The following PCDHA13 variants were observed in gnomAD, a reference collection of about 807,000 sequenced individuals.
PCDHA13 encodes protocadherin alpha-13.
In PCDHA13, 54 loss-of-function variants were observed where a neutral mutation model predicts 64.8. The ratio of observed to expected loss-of-function variants is 0.83; its 90% CI spans 0.67 to 1.04. The LOEUF (loss-of-function observed/expected upper bound fraction) is 1.04, where lower values mean the gene tolerates loss of function less well. Among genes scored for constraint, PCDHA13 ranks in the 50% least tolerant of loss-of-function variants. The pLI is 0.00. For missense variants in PCDHA13, 1,248 were observed against 1,254.3 expected (o/e 0.99, Z 0.08); for synonymous variants, 587 against 564.4 (o/e 1.04, Z -0.57).
intron 1 of PCDHA13, among the ~76,000 whole-genome samples, chr5:140,958,853 G>T (rs897789588): frequency 1.3e-5 from 2 of 151,804 alleles, no homozygotes; most frequent in Non-Finnish European, 2.9e-5. Context: ...AGTGTCTTTG[G>T]TTTACTGGGT....
chr5:140,943,302 A>G, intron 1 of PCDHA13, among the ~76,000 whole-genome samples: 1 of 151,674 alleles, frequency 6.6e-6, no homozygotes, highest in Non-Finnish European at 1.5e-5. Context: ...AATTTTGGGA[A>G]GTCATTATTA....
At chr5:140,975,160 T>G (rs2096656216) in intron 1 of PCDHA13, among the ~76,000 whole-genome samples, 1 of 152,194 alleles carries the variant, frequency 6.6e-6, no homozygotes, top group African/African-American at 2.4e-5. Flanking sequence ...CCTAGAGAAC[T>G]GAGGACTCAG....
Position 141,011,514 on chromosome 5 carries a change from GT to G in PCDHA13, c.*1584del, listed in dbSNP as rs35545269. 2 of 153,738 alleles carry G rather than the reference GT, an allele frequency of 1.3e-5. No homozygotes were observed. The highest frequency in any genetic ancestry group is 1.9e-4 in the East Asian group (1 of 5,186). The allele number at this position is 153,738 out of a possible 1,614,324, so 9.5% of individuals were successfully genotyped here. ...TACACCTGTGAAAAAGTGGAGTAGTGTTTTTTTAACCATTGTTAATCAGCTT... is the reference window on the plus strand; with the variant it reads ...TACACCTGTGAAAAAGTGGAGTAGTGTTTTTTAACCATTGTTAATCAGCTT... On this transcript the variant is annotated 3_prime_UTR_variant, in exon 4 of 4. Coordinates refer to ENST00000289272, the MANE Select transcript of PCDHA13 (RefSeq NM_018904.3).
intron 3 of PCDHA13, among the ~76,000 whole-genome samples, chr5:141,003,915 C>T (rs2153979429): frequency 6.6e-6 from 1 of 152,298 alleles, no homozygotes; most frequent in African/African-American, 2.4e-5. Context: ...GTCTTGACTG[C>T]ATCCTCAGTC....
intron 1 of PCDHA13, among the ~76,000 whole-genome samples, chr5:140,949,947 A>G (rs1554219242): frequency 6.6e-6 from 1 of 151,676 alleles, no homozygotes; most frequent in African/African-American, 2.4e-5. Flanking sequence ...TGCATTTTTT[A>G]GTGGTTGCTG....
chr5:140,995,674 A>G (rs1205485736), intron 3 of PCDHA13, among the ~76,000 whole-genome samples: 2 of 151,994 alleles, frequency 1.3e-5, no homozygotes, highest in East Asian at 3.9e-4. Flanking sequence ...TAAATGCAGC[A>G]TTTTTTTTAA....
chr5:140,894,375 T>A (rs1246573357), intron 1 of PCDHA13, among the ~76,000 whole-genome samples: 1 of 152,054 alleles, frequency 6.6e-6, no homozygotes, highest in African/African-American at 2.4e-5. Flanking sequence ...ATGGCTCCAA[T>A]TATATTTGTA....
chr5:140,911,223 G>A (rs1305979222), intron 1 of PCDHA13, among the ~76,000 whole-genome samples: 1 of 152,148 alleles, frequency 6.6e-6, no homozygotes, highest in Non-Finnish European at 1.5e-5. Flanking sequence ...TGAGAAAGCT[G>A]TTTCTTCTGG....
In PCDHA13 at chr5:141,011,549, GA is replaced by G. The variant is rs2098421039; in HGVS notation, c.*1615del. Reference sequence around the variant, plus strand: ...CCATTGTTAATCAGCTTTTGTGTATGAAAGACACAGTAAAATTTCTTTCTTA... The same window carrying G: ...CCATTGTTAATCAGCTTTTGTGTATGAAGACACAGTAAAATTTCTTTCTTA... On this transcript the variant is annotated 3_prime_UTR_variant, in exon 4 of 4. Coordinates refer to ENST00000289272, the MANE Select transcript of PCDHA13 (RefSeq NM_018904.3). 1 of 153,674 alleles carries G rather than the reference GA, an allele frequency of 6.5e-6. No individual in the cohort carries two copies. Among genetic ancestry groups the G allele is most frequent in the Non-Finnish European group, 1.5e-5 (1 of 68,008 alleles). The allele number at this position is 153,674 out of a possible 1,614,324, so 9.5% of individuals were successfully genotyped here. A position where few individuals can be genotyped will look rare whatever the true frequency, so the allele number is the denominator to read the frequency against.
intron 1 of PCDHA13, among the ~76,000 whole-genome samples, chr5:140,959,874 A>G (rs1360001985): frequency 1.3e-5 from 2 of 152,236 alleles, no homozygotes; most frequent in Non-Finnish European, 2.9e-5. Flanking sequence ...AAATCTGTCA[A>G]GGAATACACG....
chr5:140,914,458 A>T (rs1294717004), intron 1 of PCDHA13, among the ~76,000 whole-genome samples: 2 of 152,004 alleles, frequency 1.3e-5, no homozygotes, highest in African/African-American at 4.8e-5. Flanking sequence ...TTTCCAGTCT[A>T]TGTGTATCTT....
At chr5:140,897,759 G>A (rs1238732675) in intron 1 of PCDHA13, among the ~76,000 whole-genome samples, 7 of 152,228 alleles carry the variant, frequency 4.6e-5, no homozygotes, top group South Asian at 2.1e-4. Flanking sequence ...CTGAGGAATC[G>A]CCACACTGAC....
intron 1 of PCDHA13, among the ~76,000 whole-genome samples, chr5:140,892,438 ATT>A (rs2063515415): frequency 6.6e-6 from 1 of 152,198 alleles, no homozygotes; most frequent in African/African-American, 2.4e-5. Context: ...ATTATCTAAA[ATT>A]TACATGTATT....
rs782205253 is a variant in PCDHA13, at chr5:140,927,557, T to C, written c.2394+42895T>C. 12 of 1,614,028 alleles carry C rather than the reference T, an allele frequency of 7.4e-6. No homozygotes were observed. In the East Asian group the frequency reaches 2.7e-4, roughly 36 times the overall value. On this transcript the variant is annotated intron_variant, in intron 1 of 3. Coordinates refer to ENST00000289272, the MANE Select transcript of PCDHA13 (RefSeq NM_018904.3). ...TCAGGAGACGCACAAGTCACCATCATTGTGGTGGACACAAATGACAACGCG... is the reference window on the plus strand; with the variant it reads ...TCAGGAGACGCACAAGTCACCATCACTGTGGTGGACACAAATGACAACGCG...
Position 140,884,547 on chromosome 5 carries a change from C to T in PCDHA13, c.2279C>T (p.Ser760Phe), listed in dbSNP as rs1554181712. 5 of 1,614,214 alleles carry T rather than the reference C, an allele frequency of 3.1e-6. No individual in the cohort carries two copies. Among genetic ancestry groups the T allele is most frequent in the Admixed American group, 1.7e-5 (1 of 60,034 alleles). ...CAGCAGAGGCGGCCGAGGGTGTGCT[C>T]TGGGGAGGGCCCGCATAAGACGGAC... is the stretch of plus-strand genomic sequence containing the variant. ...YSQQRRPRVCSGEGPHKTDLM... is the reference protein window; with the variant it reads ...YSQQRRPRVCFGEGPHKTDLM... The change falls in exon 1 of 4, where the codon TCT becomes TTT. Residue 760 changes from serine to phenylalanine, a missense_variant. Ser to Phe is a radical substitution (Grantham distance 155, BLOSUM62 -2). Coordinates refer to ENST00000289272, the MANE Select transcript of PCDHA13 (RefSeq NM_018904.3).
chr5:140,973,863 T>C (rs868937124), intron 1 of PCDHA13, among the ~76,000 whole-genome samples: 1 of 152,224 alleles, frequency 6.6e-6, no homozygotes. Context: ...TTGCTCTCAA[T>C]GAGAGGTCAG....
chr5:140,928,642 G>A (rs2085397273), intron 1 of PCDHA13: 2 of 1,614,114 alleles, frequency 1.2e-6, no homozygotes, highest in Non-Finnish European at 8.5e-7. Flanking sequence ...CACAAAAGTG[G>A]TAGCAGAGGA....
At chr5:140,995,629 T>C (rs1333793289) in intron 3 of PCDHA13, among the ~76,000 whole-genome samples, 1 of 152,164 alleles carries the variant, frequency 6.6e-6, no homozygotes, top group Admixed American at 6.5e-5. Context: ...TTGGAAACTT[T>C]GGAGTGTTTA....
intron 3 of PCDHA13, among the ~76,000 whole-genome samples, chr5:140,997,851 C>T (rs1400770612): frequency 6.6e-6 from 1 of 152,122 alleles, no homozygotes. Flanking sequence ...CATTCTTATA[C>T]ATATTTCTTA....
Sources: gnomAD v4.1 joint callset for allele counts (sites outside exome capture counted in the v4.1 genomes callset) on GRCh38, gnomAD v4.1.1 for gene constraint, MANE v1.5 for transcripts, NCBI Gene and HGNC (gene_info 2026-07-23, HGNC 2026-07-21) for gene names.